The following CACNA1E variants were observed in gnomAD, a reference collection of about 807,000 sequenced individuals.
CACNA1E encodes voltage-dependent R-type calcium channel subunit alpha-1E.
In CACNA1E, 40 loss-of-function variants were observed where a neutral mutation model predicts 259.2. The ratio of observed to expected loss-of-function variants is 0.15; its 90% CI spans 0.12 to 0.20. The LOEUF (loss-of-function observed/expected upper bound fraction) is 0.20. Among genes scored for constraint, CACNA1E ranks in the 10% least tolerant of loss-of-function variants. The pLI is 1.00. For synonymous variants in CACNA1E, 1,104 were observed against 1,138.5 expected (o/e 0.97, Z 0.61); for missense variants, 1,874 against 3,040.1 (o/e 0.62, Z 9.02).
At position 181,413,286 on chromosome 1, in the gene CACNA1E, G is replaced by A. The variant is rs1658004587; in HGVS notation, c.140G>A (p.Trp47Ter). The A allele has an allele frequency of 6.6e-6, 1 of 152,428 alleles. No homozygotes were observed. The highest frequency in any genetic ancestry group is 2.4e-5 in the African/African-American group (1 of 41,476). 9.4% of individuals were successfully genotyped at this position (152,428 alleles called of 1,614,324 possible). A position where few individuals can be genotyped will look rare whatever the true frequency, so the allele number is the denominator to read the frequency against. The change falls in exon 2 of 12, where the codon TGG becomes TAG. Residue 47 changes from tryptophan to a stop codon, truncating the protein, a stop_gained. Coordinates refer to the CACNA1E transcript ENST00000524607. LOFTEE classifies it high-confidence loss of function. ...CTGGCCCTGCCGGAAGAAGAGGCATGGCGGCCCCAGCAGTGCGCTCTGCTC... is the reference window on the plus strand; with the variant it reads ...CTGGCCCTGCCGGAAGAAGAGGCATAGCGGCCCCAGCAGTGCGCTCTGCTC...
chr1:181,422,618 T>C (rs1658836705), intron 2 of CACNA1E, among the ~76,000 whole-genome samples: 1 of 152,222 alleles, frequency 6.6e-6, no homozygotes, highest in South Asian at 2.1e-4. Context: ...ATATCCAACC[T>C]TTGTGGGCCT....
At chr1:181,357,361 A>T (rs1653530026) in intron 1 of CACNA1E, among the ~76,000 whole-genome samples, 1 of 152,174 alleles carries the variant, frequency 6.6e-6, no homozygotes, top group African/African-American at 2.4e-5. Context: ...TCAATATTCA[A>T]ACTATGATTT....
At chr1:181,724,790 G>T (rs1227936627) in intron 17 of CACNA1E, among the ~76,000 whole-genome samples, 1 of 152,226 alleles carries the variant, frequency 6.6e-6, no homozygotes, top group Non-Finnish European at 1.5e-5. Flanking sequence ...ATTTCTATGA[G>T]CCCTCAAAGG....
intron 3 of CACNA1E, among the ~76,000 whole-genome samples, chr1:181,569,924 T>A (rs182695128): frequency 1.2e-4 from 19 of 152,254 alleles, no homozygotes; most frequent in African/African-American, 4.3e-4. Flanking sequence ...ATAAGAACTG[T>A]ATGTAATTGG....
At chr1:181,426,114 G>A (rs1001484217) in intron 2 of CACNA1E, among the ~76,000 whole-genome samples, 1 of 152,050 alleles carries the variant, frequency 6.6e-6, no homozygotes, top group African/African-American at 2.4e-5. Context: ...TGTGGAGACA[G>A]TGTTGGCTGG....
At chr1:181,625,951 C>T (rs766503476) in intron 6 of CACNA1E, among the ~76,000 whole-genome samples, 3 of 152,024 alleles carry the variant, frequency 2.0e-5, no homozygotes, top group Admixed American at 6.6e-5. Flanking sequence ...TATTAACTGG[C>T]CCAATTTCAA....
At chr1:181,406,139 G>C (rs1383866820) in intron 1 of CACNA1E, among the ~76,000 whole-genome samples, 1 of 152,094 alleles carries the variant, frequency 6.6e-6, no homozygotes, top group African/African-American at 2.4e-5. Flanking sequence ...AAAGGAACCT[G>C]GTTCCCTGAA....
chr1:181,571,641 G>A (rs1242542300), intron 3 of CACNA1E, among the ~76,000 whole-genome samples: 2 of 152,162 alleles, frequency 1.3e-5, no homozygotes, highest in Admixed American at 6.5e-5. Context: ...GCCTCCTCAT[G>A]GCCTCCTCAT....
chr1:181,708,042 A>T (rs1002418217), intron 7 of CACNA1E, among the ~76,000 whole-genome samples: 1 of 152,188 alleles, frequency 6.6e-6, no homozygotes, highest in African/African-American at 2.4e-5. Context: ...GCCTTGAAGA[A>T]GGATTTTGAC....
chr1:181,752,027 C>T (rs1657644712), intron 26 of CACNA1E, 116 bp from the exon 27 acceptor site: 1 of 788,746 alleles, frequency 1.3e-6, no homozygotes, highest in African/African-American at 1.7e-5. Context: ...CTTCTTGCCT[C>T]CATCTCTCCC....
intron 7 of CACNA1E, among the ~76,000 whole-genome samples, chr1:181,702,697 A>G (rs1652390014): frequency 1.3e-5 from 2 of 152,164 alleles, no homozygotes; most frequent in South Asian, 4.2e-4. Flanking sequence ...TGCCCTGGTC[A>G]TCACCTCTGC....
chr1:181,327,934 A>G lies in CACNA1E; in HGVS notation c.-15+9811A>G, dbSNP rs186436480. 1.8e-3 allele frequency among the ~76,000 whole-genome samples: 273 copies of G among 152,210 alleles called. 1 individual carries two copies. Among genetic ancestry groups the G allele is most frequent in the African/African-American group, 6.3e-3 (263 of 41,530 alleles). On this transcript the variant is annotated intron_variant, in intron 1 of 11. Transcript: ENST00000524607. ...GATGGTCTGGTTTGGCCTCACTGAC[A>G]TCTATGGGTCATCAGCTGAGGCAGG...
At chr1:181,473,598 A>G (rs1251406142) in intron 2 of CACNA1E, among the ~76,000 whole-genome samples, 1 of 152,168 alleles carries the variant, frequency 6.6e-6, no homozygotes, top group Non-Finnish European at 1.5e-5. Context: ...TATAAACCCA[A>G]CCAGGACTGA....
At chr1:181,570,170 T>C (rs1393076723) in intron 3 of CACNA1E, among the ~76,000 whole-genome samples, 1 of 152,174 alleles carries the variant, frequency 6.6e-6, no homozygotes, top group African/African-American at 2.4e-5. Flanking sequence ...TAGACTTTTT[T>C]TTTTTTTAAA....
intron 18 of CACNA1E, among the ~76,000 whole-genome samples, chr1:181,727,185 A>G (rs1654991030): frequency 6.6e-6 from 1 of 152,250 alleles, no homozygotes; most frequent in Non-Finnish European, 1.5e-5. Context: ...CATTTAAGTC[A>G]TTAGTATGGG....
chr1:181,500,418 C>A (rs12088029), intron 1 of CACNA1E, among the ~76,000 whole-genome samples: 3,806 of 152,260 alleles, frequency 0.025, 151 homozygotes, highest in African/African-American at 0.087. Flanking sequence ...TGAAATTGGC[C>A]ATGGAGAGAG....
At chr1:181,590,416 A>ATATATATATATAT (rs1419171903) in intron 6 of CACNA1E, among the ~76,000 whole-genome samples, 186 of 115,818 alleles carry the variant, frequency 1.6e-3, no homozygotes, top group African/African-American at 6.5e-3. Flanking sequence ...AAAAAAAAAA[A>ATATATATATATAT]ATATATATAT....
In CACNA1E at chr1:181,796,842, A is replaced by C; in HGVS notation, c.6383A>C (p.Gln2128Pro). 1.2e-6 allele frequency: 2 copies of C among 1,600,524 alleles called. No individual in the cohort carries two copies. Among genetic ancestry groups the C allele is most frequent in the South Asian group, 2.3e-5 (2 of 88,602 alleles). Residue 2128 changes from glutamine (Q) to proline (P), a missense_variant, in exon 47 of 48, where the codon CAG becomes CCG. Gln to Pro is a moderately conservative substitution (Grantham distance 76). Around this residue, in one of 14 missense-constraint regions of CACNA1E, gnomAD observed 542 missense variants for 587.2 expected, o/e 0.92. Transcript: ENST00000367573. Reference protein sequence around the residue: ...QSRSPSEGRSQTPNRQGTGSL... With the variant: ...QSRSPSEGRSPTPNRQGTGSL... ...AGGTCACCCAGTGAGGGCAGGTCAC[A>C]GACGCCCAACAGACAGGTGAGCGCA... is the stretch of plus-strand genomic sequence containing the variant.
At chr1:181,783,167 CA>C (rs1660569610) in intron 39 of CACNA1E, among the ~76,000 whole-genome samples, 1 of 152,052 alleles carries the variant, frequency 6.6e-6, no homozygotes, top group Non-Finnish European at 1.5e-5. Context: ...ATTAAAGACT[CA>C]AAAAGGGGGC....
Sources: allele counts gnomAD v4.1 joint callset (sites outside exome capture counted in the v4.1 genomes callset), GRCh38; gene constraint gnomAD v4.1.1; regional missense constraint gnomAD v4.1.1; transcripts MANE v1.5; gene names NCBI Gene and HGNC (gene_info 2026-07-23, HGNC 2026-07-21).